ANKRD26: variants seen among roughly 807,000 people sequenced by gnomAD.
ANKRD26 encodes the protein ankyrin repeat domain-containing protein 26.
Under a neutral mutation model 208.7 loss-of-function variants are expected in ANKRD26, and 141 were observed. The ratio of observed to expected loss-of-function variants is 0.68; its 90% CI spans 0.59 to 0.78. ANKRD26 has a LOEUF of 0.78. Ranked by LOEUF, ANKRD26 falls within the 30% of genes least tolerant of loss-of-function variation. The probability of loss-of-function intolerance (pLI) is 0.00; values close to 1 mark genes in which losing one functional copy is unlikely to be tolerated. For synonymous variants in ANKRD26, 636 were observed against 660.4 expected, an observed-to-expected ratio of 0.96 and a Z score of 0.57; for missense variants, 1,889 against 1,938.7, an observed-to-expected ratio of 0.97 and a Z score of 0.48.
At chr10:26,992,327 GTTTTTTC>G (rs1372366987) in intron 5 of ANKRD26, among the ~76,000 whole-genome samples, 6 of 152,008 alleles carry the variant, frequency 3.9e-5, no homozygotes, top group East Asian at 1.9e-4. Context: ...CTGGTTTCAG[GTTTTTTC>G]TTTTTTCTTT....
At chr10:27,053,449 T>G in intron 15 of ANKRD26, 59 bp from the exon 16 acceptor site, 1 of 1,090,702 alleles carries the variant, frequency 9.2e-7, no homozygotes, top group East Asian at 2.4e-5. Context: ...GTAAAAGGTA[T>G]AGTCTTTACA....
intron 20 of ANKRD26, among the ~76,000 whole-genome samples, chr10:27,041,532 G>A (rs1479804979): frequency 1.3e-5 from 2 of 152,164 alleles, no homozygotes; most frequent in South Asian, 2.1e-4. Context: ...AAGTCAAGCT[G>A]TTTATATGTA....
At chr10:26,972,331 G>C (rs1043114650), downstream of ANKRD26, among the ~76,000 whole-genome samples, 1 of 151,452 alleles carries the variant, frequency 6.6e-6, no homozygotes, top group Admixed American at 6.6e-5. Context: ...AATTACTGTC[G>C]GTAATAAGTT....
chr10:26,990,944 C>G (rs573457519), downstream of ANKRD26, among the ~76,000 whole-genome samples: 1 of 152,330 alleles, frequency 6.6e-6, no homozygotes, highest in South Asian at 2.1e-4. Flanking sequence ...AATCCCAACT[C>G]AGCTCCTTAC....
chr10:27,059,323 C>T (rs747188691), intron 15 of ANKRD26, among the ~76,000 whole-genome samples: 29 of 151,996 alleles, frequency 1.9e-4, no homozygotes, highest in Non-Finnish European at 3.2e-4. Flanking sequence ...TGTGTCGATA[C>T]GGGTAGATCT....
chr10:27,047,670 A>G (rs2054496139), intron 17 of ANKRD26, among the ~76,000 whole-genome samples: 1 of 151,568 alleles, frequency 6.6e-6, no homozygotes, highest in African/African-American at 2.4e-5. Context: ...CTTTTAGCCT[A>G]GTTGGATTTA....
chr10:27,078,966 C>T lies in ANKRD26; in HGVS notation c.813+123G>A, dbSNP rs1589349969. ...GCCATATTTCTATAAAATGGCTTCC[C>T]CTGACCACCTTTCCATTACAAACAG... On this transcript the variant is annotated intron_variant, in intron 7 of 33. Coordinates refer to ENST00000376087, the MANE Select transcript of ANKRD26 (RefSeq NM_014915.3). 4.1e-6 allele frequency: 3 copies of T among 739,374 alleles called. No individual in the cohort carries two copies. In the East Asian group the frequency reaches 8.1e-5, roughly 20 times the overall value. The allele number at this position is 739,374 out of a possible 1,614,324, so 45.8% of individuals were successfully genotyped here. A position where few individuals can be genotyped will look rare whatever the true frequency, so the allele number is the denominator to read the frequency against.
chr10:27,083,863 A>T (rs1044060064), intron 5 of ANKRD26, among the ~76,000 whole-genome samples: 1 of 152,246 alleles, frequency 6.6e-6, no homozygotes, highest in Non-Finnish European at 1.5e-5. Context: ...TCACTTACAT[A>T]TTATTTATGA....
downstream of ANKRD26, among the ~76,000 whole-genome samples, chr10:26,971,305 C>A (rs61850994): frequency 1.3e-5 from 2 of 152,240 alleles, no homozygotes; most frequent in South Asian, 2.1e-4. Context: ...ATCACTTGAA[C>A]CCAGGAGGCA....
At chr10:27,016,087 A>G (rs2053280710) in intron 30 of ANKRD26, among the ~76,000 whole-genome samples, 2 of 152,170 alleles carry the variant, frequency 1.3e-5, no homozygotes, top group African/African-American at 2.4e-5. Flanking sequence ...CTGGGCTTAC[A>G]TGATCCTCTC....
Position 27,035,033 on chromosome 10 carries a change from T to C in ANKRD26, c.3417A>G (p.Leu1139=). ...GTCGAAGCAACATATTCTCACTTTGTAGTTGAGACAATCTCTCCTCTACAG... is the reference window on the plus strand; with the variant it reads ...GTCGAAGCAACATATTCTCACTTTGCAGTTGAGACAATCTCTCCTCTACAG... ...QESVEERLSQ[L]QSENMLLRQQ... is the part of the protein sequence containing the mutation. Residue 1139 remains leucine (L), a synonymous_variant, in exon 24 of 34, where the codon CTA becomes CTG. Coordinates refer to ENST00000376087, the MANE Select transcript of ANKRD26 (RefSeq NM_014915.3). The C allele has an allele frequency of 1.2e-6, 2 of 1,613,982 alleles. No homozygotes were observed. The highest frequency in any genetic ancestry group is 1.1e-5 in the South Asian group (1 of 91,068).
chr10:27,052,293 A>G (rs2054690083), intron 16 of ANKRD26: 1 of 471,086 alleles, frequency 2.1e-6, no homozygotes, highest in Non-Finnish European at 2.8e-6. Flanking sequence ...GGAGAAAAAC[A>G]TGAACCAGCA....
intron 9 of ANKRD26, among the ~76,000 whole-genome samples, chr10:27,074,517 C>T (rs1249320447): frequency 6.6e-6 from 1 of 152,072 alleles, no homozygotes; most frequent in African/African-American, 2.4e-5. Context: ...CCTGTCTCTA[C>T]TAAAAATACA....
chr10:27,027,869 G>A (rs2053718512), intron 27 of ANKRD26, among the ~76,000 whole-genome samples: 1 of 152,062 alleles, frequency 6.6e-6, no homozygotes, highest in Non-Finnish European at 1.5e-5. Context: ...ACTTTATAAT[G>A]GCGTGAAACC....
At chr10:26,993,344 G>C (rs184376020) in intron 5 of ANKRD26, among the ~76,000 whole-genome samples, 1 of 152,292 alleles carries the variant, frequency 6.6e-6, no homozygotes, top group African/African-American at 2.4e-5. Flanking sequence ...TGTCATGCCA[G>C]TGCCTTGTAA....
Position 27,021,725 on chromosome 10 carries a change from T to C in ANKRD26, c.4215+833A>G, listed in dbSNP as rs148419194. Among the ~76,000 whole-genome samples, 20 of 152,364 alleles carry C rather than the reference T, an allele frequency of 1.3e-4. No individual in the cohort carries two copies. In the East Asian group the frequency reaches 3.7e-3, roughly 28 times the overall value. On this transcript the variant is annotated intron_variant, in intron 29 of 33. Coordinates refer to ENST00000376087, the MANE Select transcript of ANKRD26 (RefSeq NM_014915.3). ...ATAGTTTGTTATTTTTTTGACTTTT[T>C]AATAATAGCCATTCTGGCTAGTATG...
Position 27,046,244 on chromosome 10 carries a change from T to C in ANKRD26, c.1985+109A>G, listed in dbSNP as rs1342131473. ...TCCTCATCTTAATCTTTCAGCAGCA[T>C]GGAAACAGTCGATATTCTCTAGCTT... On this transcript the variant is annotated intron_variant, in intron 18 of 33. Coordinates refer to ENST00000376087, the MANE Select transcript of ANKRD26 (RefSeq NM_014915.3). The C allele has an allele frequency of 7.1e-6, 8 of 1,132,108 alleles. No individual in the cohort carries two copies. In the South Asian group the frequency reaches 9.4e-5, roughly 13 times the overall value. The allele number at this position is 1,132,108 out of a possible 1,614,324, so 70.1% of individuals were successfully genotyped here. A position where few individuals can be genotyped will look rare whatever the true frequency, so the allele number is the denominator to read the frequency against.
intron 16 of ANKRD26, chr10:27,050,943 A>G (rs935523387): frequency 5.5e-5 from 37 of 670,796 alleles, no homozygotes; most frequent in Middle Eastern, 6.3e-4. Context: ...TTCTAAACAC[A>G]ATTACATATT....
intron 28 of ANKRD26, among the ~76,000 whole-genome samples, chr10:27,023,462 A>G (rs1230200730): frequency 2.6e-5 from 4 of 152,134 alleles, no homozygotes; most frequent in Non-Finnish European, 5.9e-5. Flanking sequence ...AAAAAAAGAA[A>G]GTACACACAA....
Sources: gnomAD v4.1 joint callset for allele counts (sites outside exome capture counted in the v4.1 genomes callset) on GRCh38, gnomAD v4.1.1 for gene constraint, MANE v1.5 for transcripts, NCBI Gene and HGNC (gene_info 2026-07-23, HGNC 2026-07-21) for gene names.